Variants in RSBN1 observed in about 807,000 individuals in gnomAD.
The protein encoded by RSBN1 is round spermatid basic protein 1.
A neutral mutation model predicts 74.8 loss-of-function variants in RSBN1; 23 were observed. The observed-to-expected ratio is 0.31, with a 90% CI of 0.22 to 0.44. The LOEUF (loss-of-function observed/expected upper bound fraction) is 0.44. Among genes scored for constraint, RSBN1 ranks in the 20% least tolerant of loss-of-function variants. RSBN1 has a pLI of 1.00. For synonymous variants in RSBN1, 407 were observed against 379.6 expected (o/e 1.07, Z -0.84); for missense variants, 808 against 1,020.9 (o/e 0.79, Z 2.84).
chr1:113,785,364 C>CT (rs754403747), intron 2 of RSBN1, among the ~76,000 whole-genome samples: 14 of 151,894 alleles, frequency 9.2e-5, no homozygotes, highest in Non-Finnish European at 1.9e-4. Flanking sequence ...TTACAGTTAA[C>CT]TTTTTTTTAA....
At chr1:113,796,486 A>C (rs1447971600) in intron 2 of RSBN1, among the ~76,000 whole-genome samples, 1 of 151,992 alleles carries the variant, frequency 6.6e-6, no homozygotes, top group Admixed American at 6.5e-5. Context: ...TTACGGCAAC[A>C]ATCTATTTAC....
At chr1:113,766,555 C>T in intron 6 of RSBN1, 102 bp from the exon 7 acceptor site, 1 of 700,682 alleles carries the variant, frequency 1.4e-6, no homozygotes, top group Non-Finnish European at 2.3e-6. Flanking sequence ...TGTGTCATAA[C>T]AATAATCAAA....
chr1:113,807,023 AAC>A (rs1201012701), intron 1 of RSBN1, among the ~76,000 whole-genome samples: 1 of 150,874 alleles, frequency 6.6e-6, no homozygotes, highest in African/African-American at 2.4e-5. Context: ...AAAAAACAAA[AAC>A]AAACAGGCTG....
chr1:113,788,568 T>C (rs1453809847), intron 2 of RSBN1, among the ~76,000 whole-genome samples: 2 of 152,046 alleles, frequency 1.3e-5, no homozygotes, highest in African/African-American at 2.4e-5. Context: ...CTAAAAAAAA[T>C]CAGGAATCAT....
At position 113,765,976 on chromosome 1, in the gene RSBN1, C is replaced by T. The variant is rs775094957; in HGVS notation, c.*4G>A. On this transcript the variant is annotated 3_prime_UTR_variant, in exon 7 of 7. Coordinates refer to ENST00000261441, the MANE Select transcript of RSBN1 (RefSeq NM_018364.5). Reference sequence around the variant, plus strand: ...GTTAAAAAATGTGTTTGAATATGTACATATCACACAGAAGTGGTTGAATGT... The same window carrying T: ...GTTAAAAAATGTGTTTGAATATGTATATATCACACAGAAGTGGTTGAATGT... 3 of 1,605,424 alleles carry T rather than the reference C, an allele frequency of 1.9e-6. No individual in the cohort carries two copies. The highest frequency in any genetic ancestry group is 2.2e-5 in the East Asian group (1 of 44,698).
chr1:113,812,458 C>T lies in RSBN1; in HGVS notation c.-46G>A, dbSNP rs563618426. 8.5e-6 allele frequency: 13 copies of T among 1,523,962 alleles called. No individual in the cohort carries two copies. Among genetic ancestry groups the T allele is most frequent in the Admixed American group, 2.1e-5 (1 of 48,386 alleles). The allele number at this position is 1,523,962 out of a possible 1,614,324, so 94.4% of individuals were successfully genotyped here. Reference sequence around the variant, plus strand: ...GCTTTTCTCCGCAGGCCTCTCCAACCGAGCTTCTATTGTAAAGCACCCTAT... The same window carrying T: ...GCTTTTCTCCGCAGGCCTCTCCAACTGAGCTTCTATTGTAAAGCACCCTAT... On this transcript the variant is annotated 5_prime_UTR_variant, in exon 1 of 7. Transcript: ENST00000261441.
intron 1 of RSBN1, among the ~76,000 whole-genome samples, chr1:113,802,519 C>T (rs936641212): frequency 6.6e-5 from 10 of 152,080 alleles, no homozygotes; most frequent in African/African-American, 2.4e-4. Flanking sequence ...CAAAAAACTA[C>T]TCATTTTGAA....
chr1:113,789,997 G>C (rs1032172458), intron 2 of RSBN1, among the ~76,000 whole-genome samples: 1 of 150,992 alleles, frequency 6.6e-6, no homozygotes, highest in African/African-American at 2.4e-5. Context: ...TGTTCATTTG[G>C]TATTAGTAAA....
rs1659729252 is a variant in RSBN1, at chr1:113,763,710, A to G, written c.*2270T>C. The G allele has an allele frequency of 6.6e-6, 1 of 152,394 alleles. No homozygotes were observed. Among genetic ancestry groups the G allele is most frequent in the African/African-American group, 2.4e-5 (1 of 41,374 alleles). 9.4% of individuals were successfully genotyped at this position (152,394 alleles called of 1,614,324 possible). A position where few individuals can be genotyped will look rare whatever the true frequency, so the allele number is the denominator to read the frequency against. ...TAAACATTTTTATTGTACTCTTTTA[A>G]TGTGTTTATATTGGAGGTGAGGGTA... On this transcript the variant is annotated 3_prime_UTR_variant, in exon 7 of 7. Coordinates refer to ENST00000261441, the MANE Select transcript of RSBN1 (RefSeq NM_018364.5).
At chr1:113,783,825 T>G (rs781379958) in intron 2 of RSBN1, among the ~76,000 whole-genome samples, 7 of 152,214 alleles carry the variant, frequency 4.6e-5, no homozygotes, top group Non-Finnish European at 8.8e-5. Flanking sequence ...GCATCCTGGA[T>G]GACAACAAGG....
chr1:113,779,128 A>G (rs1303969525), intron 2 of RSBN1, among the ~76,000 whole-genome samples: 1 of 152,234 alleles, frequency 6.6e-6, no homozygotes, highest in Non-Finnish European at 1.5e-5. Context: ...TAAATTTAAA[A>G]GCCTAACATA....
intron 4 of RSBN1, among the ~76,000 whole-genome samples, chr1:113,769,032 T>C (rs1408503079): frequency 6.6e-6 from 1 of 152,146 alleles, no homozygotes; most frequent in Non-Finnish European, 1.5e-5. Context: ...AAGCAGATCC[T>C]GAATTCTGGC....
At chr1:113,801,995 T>C (rs1040936904) in intron 1 of RSBN1, among the ~76,000 whole-genome samples, 1 of 151,564 alleles carries the variant, frequency 6.6e-6, no homozygotes, top group African/African-American at 2.4e-5. Context: ...TTTACTCTCA[T>C]CCAGGCTGGA....
At position 113,781,592 on chromosome 1, in the gene RSBN1, A is replaced by G. The variant is rs17031859; in HGVS notation, c.1378-3784T>C. ...TAACTTAAAACTCTGCCTCAGATTC[A>G]GATCTTAACATACAAATGCCTCCTG... On this transcript the variant is annotated intron_variant, in intron 2 of 6. Transcript: ENST00000261441. Among the ~76,000 whole-genome samples, 441 of 152,320 alleles carry G rather than the reference A, an allele frequency of 2.9e-3. 1 individual carries two copies. Among genetic ancestry groups the G allele is most frequent in the African/African-American group, 9.3e-3 (388 of 41,568 alleles).
rs1659777858 is a variant in RSBN1, at chr1:113,766,198, C to G, written c.2191G>C (p.Glu731Gln). 6.2e-7 allele frequency: 1 copy of G among 1,613,994 alleles called. No homozygotes were observed. The highest frequency in any genetic ancestry group is 1.7e-5 in the Admixed American group (1 of 60,008). The change falls in exon 7 of 7, where the codon GAA becomes CAA. Residue 731 changes from glutamate (E) to glutamine (Q), a missense_variant. This residue lies in a region of RSBN1 where 91 missense variants were observed against 99.6 expected (regional missense o/e 0.91). Transcript: ENST00000261441. ...DCGLTGKREL[E>Q]VDSQCVRIKT... ...ATCCTCACACATTGGGAGTCAACTT[C>G]TAATTCTCGCTTTCCAGTTAAACCA...
intron 1 of RSBN1, among the ~76,000 whole-genome samples, chr1:113,807,470 A>G (rs1660728158): frequency 6.6e-6 from 1 of 151,754 alleles, no homozygotes. Context: ...AAAAATATAC[A>G]ATTCAAGGGC....
chr1:113,789,268 T>C (rs994125895), intron 2 of RSBN1, among the ~76,000 whole-genome samples: 1 of 151,684 alleles, frequency 6.6e-6, no homozygotes, highest in African/African-American at 2.4e-5. Flanking sequence ...ACTGAAGAGG[T>C]TCTGAGAGCA....
chr1:113,785,843 A>T (rs995255311), intron 2 of RSBN1, among the ~76,000 whole-genome samples: 2 of 152,236 alleles, frequency 1.3e-5, no homozygotes, highest in South Asian at 4.1e-4. Context: ...AGCAAAAGAG[A>T]AAAATAAAGA....
At position 113,768,210 on chromosome 1, in the gene RSBN1, C is replaced by A; in HGVS notation, c.1826+12G>T. ...TATTAACCAACCTTGCAGTTGAGTTCAATTAACTCACCATTCACCAAATTG... is the reference window on the plus strand; with the variant it reads ...TATTAACCAACCTTGCAGTTGAGTTAAATTAACTCACCATTCACCAAATTG... On this transcript the variant is annotated intron_variant, in intron 5 of 6. Coordinates refer to ENST00000261441, the MANE Select transcript of RSBN1 (RefSeq NM_018364.5). 1.3e-6 allele frequency: 2 copies of A among 1,594,454 alleles called. No individual in the cohort carries two copies. The highest frequency in any genetic ancestry group is 1.1e-5 in the South Asian group (1 of 88,532).
Sources: gnomAD v4.1 joint callset for allele counts (sites outside exome capture counted in the v4.1 genomes callset) on GRCh38, gnomAD v4.1.1 for gene constraint, gnomAD v4.1.1 regional missense constraint, MANE v1.5 for transcripts, NCBI Gene and HGNC (gene_info 2026-07-23, HGNC 2026-07-21) for gene names.